PIGN: variants seen among roughly 807,000 people sequenced by gnomAD.
PIGN encodes GPI ethanolamine phosphate transferase 1.
A neutral mutation model predicts 125.4 loss-of-function variants in PIGN; 117 were observed. The observed-to-expected ratio is 0.93, with a 90% CI of 0.80 to 1.09. The LOEUF is 1.09. Among genes scored for constraint, PIGN ranks in the 50% least tolerant of loss-of-function variants. PIGN has a pLI of 0.00. For missense variants in PIGN, 1,075 were observed against 1,094.9 expected, an observed-to-expected ratio of 0.98 and a Z score of 0.26; for synonymous variants, 392 against 377.8, an observed-to-expected ratio of 1.04 and a Z score of -0.44.
chr18:62,134,377 CGA>C (rs938722695), intron 14 of PIGN, among the ~76,000 whole-genome samples: 7 of 152,216 alleles, frequency 4.6e-5, no homozygotes, highest in Admixed American at 2.6e-4. Context: ...AGCAACAGAA[CGA>C]GAGTCAGTCT....
chr18:62,088,059 G>A lies in PIGN; in HGVS notation c.2370+697C>T, dbSNP rs899915919. 4.6e-5 allele frequency among the ~76,000 whole-genome samples: 7 copies of A among 152,222 alleles called. No homozygotes were observed. The East Asian group carries it at 1.4e-3, about 29-fold the overall frequency. Reference sequence around the variant, plus strand: ...GAAAGAAAAAGCAGTAAGTACGTGAGGCAATCGATATGATAATTAGCTTGA... The same window carrying A: ...GAAAGAAAAAGCAGTAAGTACGTGAAGCAATCGATATGATAATTAGCTTGA... On this transcript the variant is annotated intron_variant, in intron 25 of 30. Transcript: ENST00000640252.
chr18:62,071,573 C>T (rs1253823462), intron 30 of PIGN, among the ~76,000 whole-genome samples: 1 of 151,908 alleles, frequency 6.6e-6, no homozygotes, highest in Non-Finnish European at 1.5e-5. Flanking sequence ...TGTAGTCATG[C>T]ACCACATAAT....
chr18:62,041,638 CGGGTGTGTGTGTGTGTGT>C lies in PIGN; in HGVS notation c.*4200_*4217del, dbSNP rs1256369023. The C allele has an allele frequency of 3.2e-5, 3 of 95,236 alleles. No homozygotes were observed. Among genetic ancestry groups the C allele is most frequent in the South Asian group, 3.5e-4 (1 of 2,856 alleles). 5.9% of individuals were successfully genotyped at this position (95,236 alleles called of 1,614,324 possible). ...GGATTACAGGAGCCTACCACCCCGC[CGGGTGTGTGTGTGTGTGT>C]GTGTGTGTGTGTGTGTGTGTGTGTG... On this transcript the variant is annotated 3_prime_UTR_variant, in exon 31 of 31. Coordinates refer to ENST00000640252, the MANE Select transcript of PIGN (RefSeq NM_176787.5).
At chr18:62,098,734 T>A (rs2034314350) in intron 22 of PIGN, among the ~76,000 whole-genome samples, 1 of 152,110 alleles carries the variant, frequency 6.6e-6, no homozygotes, top group Non-Finnish European at 1.5e-5. Flanking sequence ...ATGTCTTACA[T>A]CATTTTGTAG....
chr18:62,165,061 G>A (rs953189656), intron 1 of PIGN, among the ~76,000 whole-genome samples: 4 of 152,140 alleles, frequency 2.6e-5, no homozygotes, highest in South Asian at 2.1e-4. Flanking sequence ...TAGGTCACAC[G>A]GTTGGATCCC....
In PIGN at chr18:62,154,567, G is replaced by T; in HGVS notation, c.527C>A (p.Thr176Lys). Residue 176 changes from threonine (T) to lysine (K), a missense_variant, in exon 7 of 31, where the codon ACG (threonine) becomes AAG (lysine). Transcript: ENST00000640252. ...AACCTTAACATTATCAAAAACCCAC[G>T]TATCCAGTTTTGTTGCATCTTGAGC... ...FGAQDATKLD[T>K]WVFDNVKDFF... 1 of 1,551,620 alleles carries T rather than the reference G, an allele frequency of 6.4e-7. No individual in the cohort carries two copies. The highest frequency in any genetic ancestry group is 8.9e-7 in the Non-Finnish European group (1 of 1,124,416).
At chr18:62,109,731 TA>T (rs1482724162) in intron 17 of PIGN, 102 bp downstream of exon 17, 1 of 968,952 alleles carries the variant, frequency 1.0e-6, no homozygotes, top group Non-Finnish European at 1.5e-6. Context: ...TACAGTATTA[TA>T]AATATATTTG....
intron 23 of PIGN, among the ~76,000 whole-genome samples, chr18:62,094,221 G>T (rs2034085190): frequency 6.6e-6 from 1 of 151,954 alleles, no homozygotes; most frequent in East Asian, 1.9e-4. Flanking sequence ...AATTATCCTT[G>T]CTTCTTTCTC....
chr18:62,110,049 G>T, intron 16 of PIGN, 76 bp from the exon 17 acceptor site: 1 of 1,400,516 alleles, frequency 7.1e-7, no homozygotes, highest in Non-Finnish European at 1.0e-6. Flanking sequence ...ATTTTATAAA[G>T]TAAAGAAAAC....
chr18:62,141,541 T>G (rs565327460), intron 11 of PIGN, among the ~76,000 whole-genome samples: 1 of 152,328 alleles, frequency 6.6e-6, no homozygotes, highest in South Asian at 2.1e-4. Flanking sequence ...CTCTCAGTCT[T>G]TCTCACTTTC....
At chr18:62,054,489 A>ATTTTTTT (rs367909088) in intron 30 of PIGN, among the ~76,000 whole-genome samples, 2 of 117,312 alleles carry the variant, frequency 1.7e-5, no homozygotes, top group South Asian at 2.8e-4. Context: ...TTTTTTTCCT[A>ATTTTTTT]TTTTTTTTTT....
chr18:62,106,798 A>C lies in PIGN; in HGVS notation c.1758T>G (p.Thr586=), dbSNP rs1207074111. The C allele has an allele frequency of 6.2e-7, 1 of 1,604,502 alleles. No homozygotes were observed. Among genetic ancestry groups the C allele is most frequent in the Admixed American group, 1.7e-5 (1 of 59,114 alleles). ...AAWPFLTRLW[T]RAKMTSLSWT... ...AAATGAGTACTCATACCTTTGCTCG[A>C]GTCCACAGCCGAGTGAGAAATGGCC... The change falls in exon 19 of 31, where the codon ACT becomes ACG. Residue 586 remains threonine, a synonymous_variant. Coordinates refer to ENST00000640252, the MANE Select transcript of PIGN (RefSeq NM_176787.5).
intron 26 of PIGN, 73 bp from the exon 27 acceptor site, chr18:62,084,679 A>T: frequency 1.0e-6 from 1 of 952,452 alleles, no homozygotes; most frequent in South Asian, 1.5e-5. Context: ...TTCTAAAAAG[A>T]TGTTTAAACT....
chr18:62,109,540 A>G (rs1166687659), intron 17 of PIGN, among the ~76,000 whole-genome samples: 1 of 152,222 alleles, frequency 6.6e-6, no homozygotes, highest in Non-Finnish European at 1.5e-5. Context: ...AGTATGATCA[A>G]TATTAATCGT....
At position 62,147,120 on chromosome 18, in the gene PIGN, A is replaced by C; in HGVS notation, c.675-19T>G. 6.3e-7 allele frequency: 1 copy of C among 1,576,838 alleles called. No homozygotes were observed. Among genetic ancestry groups the C allele is most frequent in the Non-Finnish European group, 8.6e-7 (1 of 1,159,242 alleles). On this transcript the variant is annotated intron_variant, in intron 8 of 30. Transcript: ENST00000640252. ...GTAGTCTCTATTTGTAAAGAAACAG[A>C]GGAACAAATTAAATTAATTTGGAGA...
At chr18:62,029,878 T>C (rs2030171375) in intron 23 of PIGN, among the ~76,000 whole-genome samples, 2 of 152,206 alleles carry the variant, frequency 1.3e-5, no homozygotes, top group Admixed American at 1.3e-4. Context: ...CCCGTATTAG[T>C]AGCATCCTGA....
At chr18:62,134,593 T>C (rs570767408) in intron 14 of PIGN, among the ~76,000 whole-genome samples, 1 of 152,346 alleles carries the variant, frequency 6.6e-6, no homozygotes, top group East Asian at 1.9e-4. Context: ...TCTGTAATCA[T>C]AATTCATTCT....
At chr18:62,115,418 T>C (rs1353272752) in intron 14 of PIGN, among the ~76,000 whole-genome samples, 1 of 152,222 alleles carries the variant, frequency 6.6e-6, no homozygotes, top group African/African-American at 2.4e-5. Flanking sequence ...AACTAAAACC[T>C]ACATGTCTAA....
At chr18:62,022,879 T>C (rs1190958486) in intron 23 of PIGN, among the ~76,000 whole-genome samples, 2 of 152,164 alleles carry the variant, frequency 1.3e-5, no homozygotes, top group African/African-American at 4.8e-5. Context: ...AAGTCCTTGA[T>C]ATAAAATGAC....
Sources: gnomAD v4.1 joint callset for allele counts (sites outside exome capture counted in the v4.1 genomes callset) on GRCh38, gnomAD v4.1.1 for gene constraint, MANE v1.5 for transcripts, NCBI Gene and HGNC (gene_info 2026-07-23, HGNC 2026-07-21) for gene names.